Variants in LRPPRC observed in about 807,000 individuals in gnomAD.
LRPPRC encodes leucine-rich PPR motif-containing protein, mitochondrial.
A neutral mutation model predicts 180.3 loss-of-function variants in LRPPRC; 120 were observed. That is an observed-to-expected ratio of 0.67 (90% CI 0.57 to 0.77). LRPPRC has a LOEUF of 0.77. LRPPRC is among the 30% of genes least tolerant of loss of function. The probability of loss-of-function intolerance (pLI) is 0.00; values close to 1 mark genes in which losing one functional copy is unlikely to be tolerated. For synonymous variants in LRPPRC, 723 were observed against 600.0 expected (o/e 1.21, Z -3.00); for missense variants, 2,012 against 1,657.2 (o/e 1.21, Z -3.72).
At chr2:43,943,488 C>G (rs1189199017) in intron 23 of LRPPRC, among the ~76,000 whole-genome samples, 199 bp downstream of exon 23, 1 of 151,946 alleles carries the variant, frequency 6.6e-6, no homozygotes, top group Non-Finnish European at 1.5e-5. Context: ...AGGGACTATT[C>G]CATTGATATG....
At chr2:43,974,864 T>A in intron 7 of LRPPRC, 106 bp from the exon 8 acceptor site, 1 of 1,201,642 alleles carries the variant, frequency 8.3e-7, no homozygotes, top group Non-Finnish European at 1.2e-6. Flanking sequence ...AAATACCACC[T>A]AAAGGTTTAC....
chr2:43,965,088 A>G (rs1233375448), intron 11 of LRPPRC, among the ~76,000 whole-genome samples: 1 of 151,940 alleles, frequency 6.6e-6, no homozygotes, highest in Non-Finnish European at 1.5e-5. Flanking sequence ...TACAACCTCC[A>G]CCTCCCGGGT....
At chr2:43,905,224 C>A (rs1198929825) in intron 31 of LRPPRC, among the ~76,000 whole-genome samples, 1 of 152,194 alleles carries the variant, frequency 6.6e-6, no homozygotes, top group Non-Finnish European at 1.5e-5. Context: ...ATTTGGTGCA[C>A]AATCCCACAC....
intron 1 of LRPPRC, among the ~76,000 whole-genome samples, chr2:43,987,928 A>G (rs1285337295): frequency 6.6e-6 from 1 of 152,124 alleles, no homozygotes; most frequent in Non-Finnish European, 1.5e-5. Flanking sequence ...AAAAATATTA[A>G]TTATGGTAAA....
chr2:43,934,055 T>TC (rs1672184370), intron 25 of LRPPRC, 135 bp downstream of exon 25: 1 of 636,384 alleles, frequency 1.6e-6, no homozygotes, highest in Non-Finnish European at 2.8e-6. Context: ...GAGATCCCCC[T>TC]CCCCCAACAT....
At chr2:43,945,499 C>A in intron 21 of LRPPRC, 82 bp from the exon 22 acceptor site, 1 of 836,250 alleles carries the variant, frequency 1.2e-6, no homozygotes, top group Non-Finnish European at 2.1e-6. Flanking sequence ...AATCACTTTT[C>A]AAAAGCTCAT....
chr2:43,925,854 C>T, intron 26 of LRPPRC, 39 bp downstream of exon 26: 2 of 1,406,500 alleles, frequency 1.4e-6, no homozygotes, highest in Middle Eastern at 1.8e-4. Context: ...CTTCTACTCA[C>T]ACTTTTAGGT....
intron 29 of LRPPRC, among the ~76,000 whole-genome samples, chr2:43,915,330 C>A (rs17031759): frequency 0.021 from 3,178 of 151,488 alleles, 104 homozygotes; most frequent in African/African-American, 0.072. Flanking sequence ...TTATACTTCG[C>A]TTTCAAAGAT....
In LRPPRC at chr2:43,934,813, C is replaced by T; in HGVS notation, c.2570G>A (p.Arg857Lys). ...DCYEKYKVLP[R>K]IHDVLCKLVE... ...CAGTTTACACAAGACATCATGAATC[C>T]TTGGTAATACTTTATACTTTTCATA... Residue 857 changes from arginine (R) to lysine (K), a missense_variant, in exon 24 of 38, where the codon AGG becomes AAG. Coordinates refer to ENST00000260665, the MANE Select transcript of LRPPRC (RefSeq NM_133259.4). 1 of 1,611,316 alleles carries T rather than the reference C, an allele frequency of 6.2e-7. No homozygotes were observed. The highest frequency in any genetic ancestry group is 8.5e-7 in the Non-Finnish European group (1 of 1,177,552).
intron 25 of LRPPRC, among the ~76,000 whole-genome samples, chr2:43,929,699 C>G (rs1445578370): frequency 6.6e-6 from 1 of 151,756 alleles, no homozygotes; most frequent in African/African-American, 2.4e-5. Flanking sequence ...AACAAGGGAG[C>G]AAAAAAGGTC....
chr2:43,912,774 T>C (rs1261585926), intron 29 of LRPPRC, among the ~76,000 whole-genome samples: 1 of 152,180 alleles, frequency 6.6e-6, no homozygotes, highest in Middle Eastern at 3.2e-3. Context: ...TCTGAATGGA[T>C]GGTGCCTGAA....
rs202087458 is a variant in LRPPRC, at chr2:43,889,922, A to G, written c.3986-46T>C. 1.9e-5 allele frequency: 27 copies of G among 1,451,000 alleles called. No homozygotes were observed. The East Asian group carries it at 5.5e-4, about 29-fold the overall frequency. 89.9% of individuals were successfully genotyped at this position (1,451,000 alleles called of 1,614,324 possible). The stretch of plus-strand genomic sequence containing the variant: ...TATTAATCAGAGATAAAGACAACCT[A>G]TCTTACTCTTTTCACCAAAACAGCC... On this transcript the variant is annotated intron_variant, in intron 36 of 37. Transcript: ENST00000260665.
rs114568384 is a variant in LRPPRC at position 43,973,045 on chromosome 2, A to G, written c.1369+562T>C. On this transcript the variant is annotated intron_variant, in intron 11 of 37. Transcript: ENST00000260665. ...ATAGACATCCCATGTGTACAAGGGA[A>G]AAGTATGATAAATGCTTAAACGTAC... is the stretch of plus-strand genomic sequence containing the variant. Among the ~76,000 whole-genome samples, 778 of 152,344 alleles carry G rather than the reference A, an allele frequency of 5.1e-3. 13 individuals carry two copies. The highest frequency in any genetic ancestry group is 0.018 in the African/African-American group (738 of 41,592).
intron 16 of LRPPRC, 88 bp from the exon 17 acceptor site, chr2:43,948,606 G>A (rs1672784810): frequency 1.3e-6 from 1 of 765,040 alleles, no homozygotes; most frequent in Admixed American, 1.9e-5. Flanking sequence ...TCATTTTGGT[G>A]TGAGATGTCA....
chr2:43,963,169 G>T (rs1298720860), intron 12 of LRPPRC, among the ~76,000 whole-genome samples: 2 of 152,178 alleles, frequency 1.3e-5, no homozygotes, highest in Non-Finnish European at 2.9e-5. Context: ...ACAGGGCCAG[G>T]CGCGGTGGCT....
At chr2:43,971,295 A>G (rs1269993275) in intron 11 of LRPPRC, among the ~76,000 whole-genome samples, 1 of 151,852 alleles carries the variant, frequency 6.6e-6, no homozygotes, top group Non-Finnish European at 1.5e-5. Context: ...CTAGAGATGC[A>G]TTATTCTAAG....
chr2:43,937,053 C>A (rs1404928176), intron 23 of LRPPRC, among the ~76,000 whole-genome samples: 3 of 152,016 alleles, frequency 2.0e-5, no homozygotes, highest in Admixed American at 1.3e-4. Context: ...AATTCCCAAA[C>A]TAGAATAGTA....
At chr2:43,906,550 T>G (rs1671073612) in intron 30 of LRPPRC, among the ~76,000 whole-genome samples, 1 of 152,222 alleles carries the variant, frequency 6.6e-6, no homozygotes, top group Non-Finnish European at 1.5e-5. Context: ...TCTCCTGTGA[T>G]GAAATTTCTG....
Position 43,899,321 on chromosome 2 carries a change from C to T in LRPPRC, c.3723G>A (p.Ala1241=), listed in dbSNP as rs779041724. The T allele has an allele frequency of 1.5e-5, 24 of 1,613,428 alleles. No individual in the cohort carries two copies. Among genetic ancestry groups the T allele is most frequent in the East Asian group, 4.5e-5 (2 of 44,894 alleles). ...TTGCAAACTGATTGGCCAATCTCTC[C>T]GCCATGATGCTTACTGGAAAAATGA... ...EPAVEKISIM[A]ERLANQFAIY... is the part of the protein sequence containing the mutation. The change falls in exon 34 of 38, where the codon GCG becomes GCA. Residue 1241 remains alanine (A), a synonymous_variant. Transcript: ENST00000260665.
Sources: allele counts gnomAD v4.1 joint callset (sites outside exome capture counted in the v4.1 genomes callset), GRCh38; gene constraint gnomAD v4.1.1; transcripts MANE v1.5; gene names NCBI Gene and HGNC (gene_info 2026-07-23, HGNC 2026-07-21).